The following WDR76 variants were observed in gnomAD, a reference collection of about 807,000 sequenced individuals.
The protein encoded by WDR76 is WD repeat-containing protein 76.
Under a neutral mutation model 70.2 loss-of-function variants are expected in WDR76, and 52 were observed. The observed-to-expected ratio is 0.74, with a 90% CI of 0.59 to 0.93. The LOEUF is 0.93. Ranked by LOEUF, WDR76 falls within the 40% of genes least tolerant of loss-of-function variation. The pLI is 0.00. For synonymous variants in WDR76, 292 were observed against 271.1 expected (o/e 1.08, Z -0.76); for missense variants, 756 against 760.2 (o/e 0.99, Z 0.07).
intron 2 of WDR76, among the ~76,000 whole-genome samples, chr15:43,832,677 C>T (rs34433446): frequency 8.0e-5 from 12 of 149,318 alleles, no homozygotes; most frequent in Admixed American, 6.1e-4. Context: ...AACTCCTGAT[C>T]TCAGGTGATC....
At chr15:43,847,475 G>T (rs924564235) in intron 8 of WDR76, among the ~76,000 whole-genome samples, 3 of 151,416 alleles carry the variant, frequency 2.0e-5, no homozygotes, top group African/African-American at 7.3e-5. Flanking sequence ...AGGCTGGCAT[G>T]CAGTGGCGTG....
chr15:43,847,847 G>A (rs887358004), intron 8 of WDR76, among the ~76,000 whole-genome samples: 13 of 152,156 alleles, frequency 8.5e-5, no homozygotes, highest in Admixed American at 6.5e-5. Flanking sequence ...GTGAGCCACT[G>A]CACCTGGCCT....
At chr15:43,838,925 T>G (rs1354548508) in intron 4 of WDR76, among the ~76,000 whole-genome samples, 1 of 152,172 alleles carries the variant, frequency 6.6e-6, no homozygotes, top group African/African-American at 2.4e-5. Flanking sequence ...TTTTAGTATA[T>G]AGTATACTTT....
chr15:43,841,201 G>GTTTT (rs910565504), intron 5 of WDR76, among the ~76,000 whole-genome samples: 4 of 102,264 alleles, frequency 3.9e-5, no homozygotes, highest in Non-Finnish European at 5.9e-5. Flanking sequence ...TTGTTTTTTT[G>GTTTT]TTTTTTTTTT....
chr15:43,828,967 A>G (rs2087553372), intron 2 of WDR76, among the ~76,000 whole-genome samples: 1 of 149,866 alleles, frequency 6.7e-6, no homozygotes, highest in African/African-American at 2.5e-5. Context: ...CAGTGACGCT[A>G]TCTCGGCTCA....
Position 43,848,191 on chromosome 15 carries a change from A to T in WDR76, c.1033-2896A>T, listed in dbSNP as rs183562050. 3.0e-3 allele frequency among the ~76,000 whole-genome samples: 464 copies of T among 152,234 alleles called. 4 individuals are homozygous for T. Among genetic ancestry groups the T allele is most frequent in the African/African-American group, 0.011 (460 of 41,526 alleles). ...GCGGTTGAGGCTGCAGTGAGCCATG[A>T]TTGTGTCACTGTACTCCAGGCTGGA... On this transcript the variant is annotated intron_variant, in intron 8 of 12. Coordinates refer to ENST00000263795, the MANE Select transcript of WDR76 (RefSeq NM_024908.4).
chr15:43,863,390 G>A (rs575553424), intron 12 of WDR76, among the ~76,000 whole-genome samples: 96 of 152,064 alleles, frequency 6.3e-4, no homozygotes, highest in African/African-American at 2.3e-3. Flanking sequence ...CTTAAAATCT[G>A]TCAGCAATCT....
chr15:43,862,525 T>A (rs1387514122), intron 12 of WDR76, among the ~76,000 whole-genome samples: 1 of 150,934 alleles, frequency 6.6e-6, no homozygotes, highest in East Asian at 1.9e-4. Flanking sequence ...TTGTTTTTTT[T>A]TGAGACAGAG....
Position 43,836,186 on chromosome 15 carries a change from T to C in WDR76, c.578T>C (p.Ile193Thr), listed in dbSNP as rs1330907285. The C allele has an allele frequency of 1.3e-5, 21 of 1,609,888 alleles. No homozygotes were observed. The East Asian group carries it at 3.8e-4, about 29-fold the overall frequency. Residue 193 changes from isoleucine (I) to threonine (T), a missense_variant, in exon 4 of 13, where the codon ATA becomes ACA. Transcript: ENST00000263795. The stretch of plus-strand genomic sequence containing the variant: ...TCTGCTGCAAGACTCCGTGAAATGA[T>C]AGAGAAGAGACAGCCTCCTAAATCC... ...SESAARLREM[I>T]EKRQPPKSKR...
intron 3 of WDR76, 111 bp downstream of exon 3, chr15:43,835,261 G>T: frequency 1.1e-6 from 1 of 901,510 alleles, no homozygotes; most frequent in Non-Finnish European, 1.7e-6. Flanking sequence ...GAGGCCAGGA[G>T]TTCGAGATCA....
At position 43,851,222 on chromosome 15, in the gene WDR76, T is replaced by G. The variant is rs1480390889; in HGVS notation, c.1168T>G (p.Phe390Val). The G allele has an allele frequency of 6.2e-7, 1 of 1,614,112 alleles. No individual in the cohort carries two copies. Among genetic ancestry groups the G allele is most frequent in the African/African-American group, 1.3e-5 (1 of 75,036 alleles). ...SYDGTLRCGD[F>V]SRAIFEEVYR... ...TGATGGCACGTTACGCTGTGGGGATTTTTCCAGGGCTATTTTTGAAGAGGT... is the reference window on the plus strand; with the variant it reads ...TGATGGCACGTTACGCTGTGGGGATGTTTCCAGGGCTATTTTTGAAGAGGT... The change falls in exon 9 of 13, where the codon TTT becomes GTT. Residue 390 changes from phenylalanine to valine, a missense_variant. Coordinates refer to ENST00000263795, the MANE Select transcript of WDR76 (RefSeq NM_024908.4).
Position 43,866,243 on chromosome 15 carries a change from C to T in WDR76, c.1732C>T (p.His578Tyr), listed in dbSNP as rs1031664103. ...MAHPRRVEIFHETGKRVHSFG... is the reference protein window; with the variant it reads ...MAHPRRVEIFYETGKRVHSFG... The stretch of plus-strand genomic sequence containing the variant: ...CCATCCACGACGGGTAGAAATCTTC[C>T]ATGAGACAGGAAAGAGGGTGCATTC... Residue 578 changes from histidine to tyrosine, a missense_variant, in exon 13 of 13, where the codon CAT becomes TAT. Coordinates refer to ENST00000263795, the MANE Select transcript of WDR76 (RefSeq NM_024908.4). 8.1e-6 allele frequency: 13 copies of T among 1,614,052 alleles called. No individual in the cohort carries two copies. In the African/African-American group the frequency reaches 1.6e-4, roughly 20 times the overall value.
At chr15:43,833,141 G>A (rs1302518551) in intron 2 of WDR76, among the ~76,000 whole-genome samples, 5 of 151,854 alleles carry the variant, frequency 3.3e-5, no homozygotes, top group African/African-American at 1.2e-4. Context: ...TTAGTTTTGA[G>A]AAACTTTAAA....
At chr15:43,851,276 C>T (rs1191748233) in intron 9 of WDR76, 31 bp downstream of exon 9, 21 of 1,605,894 alleles carry the variant, frequency 1.3e-5, no homozygotes, top group Non-Finnish European at 1.7e-5. Flanking sequence ...ATGCTGACTT[C>T]AGATGATATT....
intron 5 of WDR76, 121 bp from the exon 6 acceptor site, chr15:43,842,294 C>T: frequency 1.3e-6 from 1 of 740,772 alleles, no homozygotes; most frequent in Non-Finnish European, 2.2e-6. Flanking sequence ...CATGATATGC[C>T]ACCATTACTG....
At chr15:43,856,303 A>G (rs963622478) in intron 9 of WDR76, among the ~76,000 whole-genome samples, 2 of 150,422 alleles carry the variant, frequency 1.3e-5, no homozygotes, top group Admixed American at 6.6e-5. Context: ...AAACATTTTG[A>G]TAGATGTAGC....
At chr15:43,857,364 TAA>T (rs2087941420) in intron 10 of WDR76, 1 of 777,314 alleles carries the variant, frequency 1.3e-6, no homozygotes, top group African/African-American at 1.9e-5. Flanking sequence ...TTAGATTTGA[TAA>T]ATAGTGAAAA....
In WDR76 at chr15:43,866,474, T is replaced by C; in HGVS notation, c.*82T>C. 6.9e-7 allele frequency: 1 copy of C among 1,445,942 alleles called. No homozygotes were observed. The highest frequency in any genetic ancestry group is 1.4e-5 in the African/African-American group (1 of 70,918). 89.6% of individuals were successfully genotyped at this position (1,445,942 alleles called of 1,614,324 possible). A position where few individuals can be genotyped will look rare whatever the true frequency, so the allele number is the denominator to read the frequency against. ...TAATCGGCGTGCCTTAGTGTGTTTA[T>C]GTGGTAATGTGTTACATTTAGCAAT... On this transcript the variant is annotated 3_prime_UTR_variant, in exon 13 of 13. Coordinates refer to ENST00000263795, the MANE Select transcript of WDR76 (RefSeq NM_024908.4).
At chr15:43,854,438 A>G (rs939242341) in intron 9 of WDR76, among the ~76,000 whole-genome samples, 6 of 151,798 alleles carry the variant, frequency 4.0e-5, no homozygotes, top group Non-Finnish European at 8.8e-5. Flanking sequence ...GCGTGGTAGC[A>G]TGCGCCTGTG....
Sources: allele counts gnomAD v4.1 joint callset (sites outside exome capture counted in the v4.1 genomes callset), GRCh38; gene constraint gnomAD v4.1.1; transcripts MANE v1.5; gene names NCBI Gene and HGNC (gene_info 2026-07-23, HGNC 2026-07-21).